Variants in SGCD observed in about 807,000 individuals in gnomAD.
The protein encoded by SGCD is sarcoglycan delta.
SGCD carries 18 observed loss-of-function variants against 36.6 expected under a neutral mutation model. That is an observed-to-expected ratio of 0.49 (90% CI 0.34 to 0.73). The LOEUF (loss-of-function observed/expected upper bound fraction) is 0.73, where lower values mean the gene tolerates loss of function less well. SGCD is among the 30% of genes least tolerant of loss of function. SGCD has a pLI of 0.01. For missense variants in SGCD, 387 were observed against 346.7 expected (o/e 1.12, Z -0.92); for synonymous variants, 133 against 130.6 (o/e 1.02, Z -0.12).
At chr5:156,101,943 A>ATGTGT (rs1761530700) in intron 1 of SGCD, among the ~76,000 whole-genome samples, 1 of 111,724 alleles carries the variant, frequency 9.0e-6, no homozygotes, top group Non-Finnish European at 1.8e-5. Flanking sequence ...TGTGTGTGTG[A>ATGTGT]GAGAGAGAGA....
At chr5:155,754,280 G>A in the SGCD span, among the ~76,000 whole-genome samples, 1 of 152,154 alleles carries the variant, frequency 6.6e-6, no homozygotes, top group Non-Finnish European at 1.5e-5. Context: ...AATGAGATAT[G>A]GGCATGAGAA....
chr5:156,224,285 G>A (rs886099498), intron 3 of SGCD, among the ~76,000 whole-genome samples: 2 of 152,002 alleles, frequency 1.3e-5, no homozygotes, highest in Non-Finnish European at 2.9e-5. Flanking sequence ...GAATTTGGCA[G>A]CCTACCTCAT....
At chr5:156,572,662 A>T (rs1427414459) in intron 4 of SGCD, among the ~76,000 whole-genome samples, 1 of 152,172 alleles carries the variant, frequency 6.6e-6, no homozygotes, top group Non-Finnish European at 1.5e-5. Flanking sequence ...GTATCTGATC[A>T]TATAGCCATT....
the SGCD span, among the ~76,000 whole-genome samples, chr5:155,749,040 C>T: frequency 3.3e-5 from 5 of 152,120 alleles, no homozygotes; most frequent in Non-Finnish European, 4.4e-5. Flanking sequence ...GCAAACACTG[C>T]GATGGGATGT....
chr5:156,354,771 A>T (rs1426313196), intron 3 of SGCD, among the ~76,000 whole-genome samples: 1 of 152,214 alleles, frequency 6.6e-6, no homozygotes, highest in Non-Finnish European at 1.5e-5. Context: ...CTGAGTTATT[A>T]AGCAATCATA....
At chr5:156,320,578 T>C (rs1248376655) in intron 3 of SGCD, among the ~76,000 whole-genome samples, 1 of 151,660 alleles carries the variant, frequency 6.6e-6, no homozygotes, top group Non-Finnish European at 1.5e-5. Context: ...AATTAATTTC[T>C]TTTAAAAAGG....
intron 1 of SGCD, among the ~76,000 whole-genome samples, chr5:156,328,403 A>C (rs1419806194): frequency 6.6e-6 from 1 of 152,192 alleles, no homozygotes; most frequent in Admixed American, 6.5e-5. Context: ...GGAATCTTGG[A>C]TACTTCTTGA....
chr5:156,345,148 G>A (rs940249716), intron 3 of SGCD, among the ~76,000 whole-genome samples: 1 of 152,106 alleles, frequency 6.6e-6, no homozygotes, highest in Non-Finnish European at 1.5e-5. Context: ...CATCACTCTG[G>A]TTAGTTAAGA....
chr5:156,374,705 A>T (rs1211181004), intron 3 of SGCD, among the ~76,000 whole-genome samples: 1 of 126,050 alleles, frequency 7.9e-6, no homozygotes, highest in Non-Finnish European at 1.6e-5. Flanking sequence ...TCTGTTGCCC[A>T]GGCTGGAGTG....
intron 3 of SGCD, among the ~76,000 whole-genome samples, chr5:156,376,666 G>A (rs1300652109): frequency 1.3e-5 from 2 of 151,876 alleles, no homozygotes; most frequent in Non-Finnish European, 2.9e-5. Context: ...TTTTTTATTG[G>A]TTACTAATCA....
chr5:156,298,942 T>C (rs1191105157), intron 3 of SGCD, among the ~76,000 whole-genome samples: 1 of 152,200 alleles, frequency 6.6e-6, no homozygotes, highest in Non-Finnish European at 1.5e-5. Flanking sequence ...ACTTTTTAAC[T>C]TGATGAGATT....
intron 3 of SGCD, among the ~76,000 whole-genome samples, chr5:156,410,719 C>T (rs1305114031): frequency 6.6e-6 from 1 of 152,132 alleles, no homozygotes; most frequent in South Asian, 2.1e-4. Context: ...GTCAAGCTCC[C>T]CCATGGTTTA....
chr5:155,792,306 A>G, the SGCD span, among the ~76,000 whole-genome samples: 1 of 152,070 alleles, frequency 6.6e-6, no homozygotes, highest in Non-Finnish European at 1.5e-5. Context: ...CCTGGAAGAA[A>G]ACCTAGGAAA....
At chr5:155,942,592 C>G (rs1030759264) in intron 1 of SGCD, among the ~76,000 whole-genome samples, 2 of 152,092 alleles carry the variant, frequency 1.3e-5, no homozygotes, top group Admixed American at 1.3e-4. Context: ...AATAATTGAA[C>G]AGAGATTTCA....
chr5:155,849,367 T>C, the SGCD span, among the ~76,000 whole-genome samples: 1 of 152,046 alleles, frequency 6.6e-6, no homozygotes, highest in Non-Finnish European at 1.5e-5. Context: ...TAGAAAACAA[T>C]TTATGCAGTA....
At chr5:156,202,098 C>T (rs1003502526) in intron 3 of SGCD, among the ~76,000 whole-genome samples, 3 of 152,286 alleles carry the variant, frequency 2.0e-5, no homozygotes, top group South Asian at 2.1e-4. Flanking sequence ...ATTTCTAATA[C>T]TCTGGTTGCC....
chr5:156,758,989 A>G (rs1053020386), intron 8 of SGCD, among the ~76,000 whole-genome samples: 10 of 152,028 alleles, frequency 6.6e-5, no homozygotes, highest in Admixed American at 5.9e-4. Context: ...TTTTTGCAAA[A>G]TGCTAACATA....
intron 1 of SGCD, among the ~76,000 whole-genome samples, chr5:155,884,283 G>T (rs1169199650): frequency 6.6e-6 from 1 of 152,176 alleles, no homozygotes; most frequent in Non-Finnish European, 1.5e-5. Flanking sequence ...AGAGTCAACA[G>T]TGATTACTCT....
At chr5:155,793,882 A>T in the SGCD span, among the ~76,000 whole-genome samples, 1 of 151,316 alleles carries the variant, frequency 6.6e-6, no homozygotes, top group African/African-American at 2.4e-5. Flanking sequence ...AAACAAATAA[A>T]GCCTGTTTGC....
Sources: gnomAD v4.1 joint callset for allele counts (sites outside exome capture counted in the v4.1 genomes callset) on GRCh38, gnomAD v4.1.1 for gene constraint, MANE v1.5 for transcripts, NCBI Gene and HGNC (gene_info 2026-07-23, HGNC 2026-07-21) for gene names.